Variants in CDH16 observed in about 807,000 individuals in gnomAD.
CDH16 encodes the protein cadherin 16.
Under a neutral mutation model 87.6 loss-of-function variants are expected in CDH16, and 79 were observed. The observed-to-expected ratio is 0.90, with a 90% CI of 0.75 to 1.09. CDH16 has a LOEUF of 1.09. CDH16 is among the 50% of genes least tolerant of loss of function. CDH16 has a pLI of 0.00. For synonymous variants in CDH16, 457 were observed against 439.5 expected, an observed-to-expected ratio of 1.04 and a Z score of -0.50; for missense variants, 1,124 against 1,071.7, an observed-to-expected ratio of 1.05 and a Z score of -0.68.
At chr16:66,910,597 C>A in intron 14 of CDH16, 95 bp from the exon 15 acceptor site, 1 of 1,283,152 alleles carries the variant, frequency 7.8e-7, no homozygotes, top group Non-Finnish European at 1.0e-6. Context: ...TGAGCCTCGC[C>A]TTATAGACTC....
At chr16:66,913,371 A>T in intron 8 of CDH16, 90 bp from the exon 9 acceptor site, 1 of 1,561,746 alleles carries the variant, frequency 6.4e-7, no homozygotes, top group Non-Finnish European at 8.7e-7. Flanking sequence ...GGCCAGCTCC[A>T]GCTCTTCGGG....
At position 66,916,004 on chromosome 16, in the gene CDH16, C is replaced by G; in HGVS notation, c.424+61G>C. 6.2e-7 allele frequency: 1 copy of G among 1,602,756 alleles called. No individual in the cohort carries two copies. The highest frequency in any genetic ancestry group is 8.5e-7 in the Non-Finnish European group (1 of 1,172,246). On this transcript the variant is annotated intron_variant, in intron 5 of 17. Coordinates refer to ENST00000299752, the MANE Select transcript of CDH16 (RefSeq NM_004062.4). This position sits in a 1 kb window ranked among gnomAD's most constrained non-coding sequence, Gnocchi z 4.1. ...CCAACTGTCTGGCCATCTCTTCGCTCTCTGCTGTTCCATCAAGGCCCACCT... is the reference window on the plus strand; with the variant it reads ...CCAACTGTCTGGCCATCTCTTCGCTGTCTGCTGTTCCATCAAGGCCCACCT...
Position 66,909,417 on chromosome 16 carries a change from A to G in CDH16, c.2276-34T>C. The stretch of plus-strand genomic sequence containing the variant: ...AGAGGGGAGGAAGGTAAGGGGAGGG[A>G]GGGGAGGGCTCCCCAGCTGCTCAGA... On this transcript the variant is annotated intron_variant, in intron 16 of 17. Transcript: ENST00000299752. This position sits in a 1 kb window ranked among gnomAD's most constrained non-coding sequence, Gnocchi z 4.1. 3.7e-6 allele frequency: 2 copies of G among 541,360 alleles called. No homozygotes were observed. Among genetic ancestry groups the G allele is most frequent in the Non-Finnish European group, 7.3e-6 (2 of 274,816 alleles). The allele number at this position is 541,360 out of a possible 1,614,324, so 33.5% of individuals were successfully genotyped here.
chr16:66,908,396 A>G lies in CDH16; in HGVS notation c.2486T>C (p.Val829Ala). 6.2e-7 allele frequency: 1 copy of G among 1,613,710 alleles called. No individual in the cohort carries two copies. The highest frequency in any genetic ancestry group is 8.5e-7 in the Non-Finnish European group (1 of 1,179,858). ...PADSVPLKAT[V>A] Reference sequence around the variant, plus strand: ...AGCTAGAGCTGCCTGGGCCATTCAGACAGTCGCCTTCAGGGGCACGCTGTC... The same window carrying G: ...AGCTAGAGCTGCCTGGGCCATTCAGGCAGTCGCCTTCAGGGGCACGCTGTC... Residue 829 changes from valine (V) to alanine (A), a missense_variant, in exon 18 of 18, where the codon GTC (valine) becomes GCC (alanine). Physicochemically the swap from Val to Ala is moderately conservative, Grantham distance 64. Coordinates refer to ENST00000299752, the MANE Select transcript of CDH16 (RefSeq NM_004062.4).
At chr16:66,914,168 C>A (rs780845618) in intron 7 of CDH16, 48 bp downstream of exon 7, 1 of 1,527,606 alleles carries the variant, frequency 6.5e-7, no homozygotes, top group East Asian at 2.3e-5. Flanking sequence ...TCGGGCCTGG[C>A]TGCACCATCC....
Position 66,915,302 on chromosome 16 carries a change from G to A in CDH16, c.501C>T (p.Ile167=). ...GTANSDLRFH[I]LSQAPAQPSP... ...AAGGCTGGGCTGGAGCCTGGCTCAG[G>A]ATGTGGAATCGAAGATCCGAGTTGG... Residue 167 remains isoleucine, a synonymous_variant, in exon 6 of 18, where the codon ATC becomes ATT. Transcript: ENST00000299752. 1 of 1,613,978 alleles carries A rather than the reference G, an allele frequency of 6.2e-7. No homozygotes were observed. The highest frequency in any genetic ancestry group is 8.5e-7 in the Non-Finnish European group (1 of 1,180,000).
rs1322621563 is a variant in CDH16, at chr16:66,912,069, C to A, written c.1620G>T (p.Gly540=). The change falls in exon 13 of 18, where the codon GGG becomes GGT. Residue 540 remains glycine (G), a synonymous_variant. Transcript: ENST00000299752. The stretch of plus-strand genomic sequence containing the variant: ...CGGTGGCTCCAGGGCCTGGGCCTGG[C>A]CCCACCAGCTTCGCCACACTCTGCA... ...VVVQSVAKLV[G]PGPGPGATAT... is the part of the protein sequence containing the mutation. 3.1e-6 allele frequency: 5 copies of A among 1,614,052 alleles called. No individual in the cohort carries two copies. The highest frequency in any genetic ancestry group is 4.2e-6 in the Non-Finnish European group (5 of 1,180,010).
intron 6 of CDH16, among the ~76,000 whole-genome samples, chr16:66,914,979 G>T (rs1355479143): frequency 1.3e-5 from 2 of 152,038 alleles, no homozygotes; most frequent in African/African-American, 4.8e-5. Flanking sequence ...TCCTATCTTT[G>T]TCCCTTAGGC....
chr16:66,917,962 G>T, intron 2 of CDH16, 59 bp downstream of exon 2: 3 of 1,420,798 alleles, frequency 2.1e-6, no homozygotes, highest in Non-Finnish European at 2.9e-6. Context: ...GGAGTTGGGG[G>T]CAAGGGTGTC....
rs747466151 is a variant in CDH16, at chr16:66,909,210, T to C, written c.2392+57A>G. The C allele has an allele frequency of 8.3e-6, 9 of 1,079,898 alleles. No homozygotes were observed. The highest frequency in any genetic ancestry group is 1.3e-5 in the Non-Finnish European group (9 of 693,698). 66.9% of individuals were successfully genotyped at this position (1,079,898 alleles called of 1,614,324 possible). On this transcript the variant is annotated intron_variant, in intron 17 of 17. Coordinates refer to ENST00000299752, the MANE Select transcript of CDH16 (RefSeq NM_004062.4). The surrounding 1 kb of genome is among the most constrained non-coding windows in gnomAD (Gnocchi z 4.1). ...GGGACAAAGGTGTTTATTTGGAGGCTGTGGTCCCAACCACCCATCGCCCTC... is the reference window on the plus strand; with the variant it reads ...GGGACAAAGGTGTTTATTTGGAGGCCGTGGTCCCAACCACCCATCGCCCTC...
intron 14 of CDH16, 155 bp from the exon 15 acceptor site, chr16:66,910,657 C>T: frequency 1.3e-6 from 1 of 787,206 alleles, no homozygotes; most frequent in Non-Finnish European, 1.8e-6. Flanking sequence ...CATCCCCATG[C>T]CACTGTGGAC....
chr16:66,914,727 G>A lies in CDH16; in HGVS notation c.584-315C>T, dbSNP rs539904663. Among the ~76,000 whole-genome samples the A allele has an allele frequency of 4.5e-4, 69 of 152,352 alleles. No homozygotes were observed. The Middle Eastern group carries it at 0.017, about 38-fold the overall frequency. On this transcript the variant is annotated intron_variant, in intron 6 of 17. Coordinates refer to ENST00000299752, the MANE Select transcript of CDH16 (RefSeq NM_004062.4). ...GATGAATGGGTGGTTGACTTGGTAG[G>A]TGGATGGGAGTTTGAGTGTGTGAAT...
In CDH16 at chr16:66,915,972, TC is replaced by T. The variant is rs1962661366; in HGVS notation, c.424+92del. The stretch of plus-strand genomic sequence containing the variant: ...AAATGGGACAGAAATGGCTGCCCTG[TC>T]CTATGCCAACTGTCTGGCCATCTCT... On this transcript the variant is annotated intron_variant, in intron 5 of 17. Transcript: ENST00000299752. 3 of 1,420,404 alleles carry T rather than the reference TC, an allele frequency of 2.1e-6. No individual in the cohort carries two copies. In the Admixed American group the frequency reaches 5.3e-5, roughly 25 times the overall value. 88.0% of individuals were successfully genotyped at this position (1,420,404 alleles called of 1,614,324 possible).
Position 66,909,907 on chromosome 16 carries a change from T to G in CDH16, c.2275+79A>C. On this transcript the variant is annotated intron_variant, in intron 16 of 17. Transcript: ENST00000299752. The surrounding 1 kb of genome is among the most constrained non-coding windows in gnomAD (Gnocchi z 4.1). ...GTGCTGTCCACATGAGCAGCCTGTATGCATGTGTACCAGCTCCCTCCCCTT... is the reference window on the plus strand; with the variant it reads ...GTGCTGTCCACATGAGCAGCCTGTAGGCATGTGTACCAGCTCCCTCCCCTT... The G allele has an allele frequency of 7.9e-6, 8 of 1,016,044 alleles. No homozygotes were observed. The highest frequency in any genetic ancestry group is 1.2e-5 in the Non-Finnish European group (8 of 667,606). The allele number at this position is 1,016,044 out of a possible 1,614,324, so 62.9% of individuals were successfully genotyped here.
At chr16:66,918,158 G>A (rs952188111) in intron 1 of CDH16, 80 bp from the exon 2 acceptor site, 62 of 948,222 alleles carry the variant, frequency 6.5e-5, no homozygotes, top group Non-Finnish European at 8.5e-5. Flanking sequence ...TAGTGGGATC[G>A]TACTGCAGAC....
Position 66,912,705 on chromosome 16 carries a change from A to C in CDH16, c.1241T>G (p.Leu414Arg), listed in dbSNP as rs1252302539. The change falls in exon 10 of 18, where the codon CTG becomes CGG. Residue 414 changes from leucine (L) to arginine (R), a missense_variant. By Grantham distance (102) the Leu-to-Arg change is moderately radical. Coordinates refer to ENST00000299752, the MANE Select transcript of CDH16 (RefSeq NM_004062.4). Reference sequence around the variant, plus strand: ...CAGGTCCATGGCCAGCACCAGAAGCAGGATGTTCTGGCCTGCTCGGAGTGG... The same window carrying C: ...CAGGTCCATGGCCAGCACCAGAAGCCGGATGTTCTGGCCTGCTCGGAGTGG... ...VLPLRAGQNILLLVLAMDLAG... is the reference protein window; with the variant it reads ...VLPLRAGQNIRLLVLAMDLAG... The C allele has an allele frequency of 1.2e-6, 2 of 1,613,978 alleles. No homozygotes were observed. Among genetic ancestry groups the C allele is most frequent in the Non-Finnish European group, 1.7e-6 (2 of 1,180,032 alleles).
At position 66,909,527 on chromosome 16, in the gene CDH16, C is replaced by T. The variant is rs896230163; in HGVS notation, c.2276-144G>A. ...TGTGTGTGAAGATATATGCGCTAGC[C>T]AGGCGTGGTGGCTCACACCTGTAAT... On this transcript the variant is annotated intron_variant, in intron 16 of 17. Coordinates refer to ENST00000299752, the MANE Select transcript of CDH16 (RefSeq NM_004062.4). This position sits in a 1 kb window ranked among gnomAD's most constrained non-coding sequence, Gnocchi z 4.1. 4 of 646,252 alleles carry T rather than the reference C, an allele frequency of 6.2e-6. No homozygotes were observed. In the African/African-American group the frequency reaches 7.2e-5, roughly 12 times the overall value. The allele number at this position is 646,252 out of a possible 1,614,324, so 40.0% of individuals were successfully genotyped here.
chr16:66,914,723 G>A (rs1962602451), intron 6 of CDH16, among the ~76,000 whole-genome samples: 1 of 152,196 alleles, frequency 6.6e-6, no homozygotes, highest in Admixed American at 6.5e-5. Context: ...GGTTGACTTG[G>A]TAGGTGGATG....
Position 66,916,563 on chromosome 16 carries a change from G to A in CDH16, c.130-134C>T. 2.0e-6 allele frequency: 2 copies of A among 995,806 alleles called. No individual in the cohort carries two copies. The highest frequency in any genetic ancestry group is 2.9e-6 in the Non-Finnish European group (2 of 699,692). The allele number at this position is 995,806 out of a possible 1,614,324, so 61.7% of individuals were successfully genotyped here. On this transcript the variant is annotated intron_variant, in intron 3 of 17. Transcript: ENST00000299752. This position sits in a 1 kb window ranked among gnomAD's most constrained non-coding sequence, Gnocchi z 4.1. ...TCTGGCTCCTGTCAGAGGTCACACAGCCAGTAAGCATCAGGACTGAGACTC... is the reference window on the plus strand; with the variant it reads ...TCTGGCTCCTGTCAGAGGTCACACAACCAGTAAGCATCAGGACTGAGACTC...
Sources: allele counts gnomAD v4.1 joint callset (sites outside exome capture counted in the v4.1 genomes callset), GRCh38; gene constraint gnomAD v4.1.1; non-coding constraint Gnocchi (gnomAD v3.1); transcripts MANE v1.5; gene names NCBI Gene and HGNC (gene_info 2026-07-23, HGNC 2026-07-21).